Variants in SKI observed in about 807,000 individuals in gnomAD.
SKI encodes the protein SKI proto-oncogene.
In SKI, 23 loss-of-function variants were observed where a neutral mutation model predicts 59.3. That is an observed-to-expected ratio of 0.39 (90% CI 0.28 to 0.55). The LOEUF is 0.55. Ranked by LOEUF, SKI falls within the 20% of genes least tolerant of loss-of-function variation. The probability of loss-of-function intolerance (pLI) is 0.67; values close to 1 mark genes in which losing one functional copy is unlikely to be tolerated. For synonymous variants in SKI, 673 were observed against 488.6 expected (o/e 1.38, Z -4.98); for missense variants, 1,017 against 1,038.9 (o/e 0.98, Z 0.29).
intron 1 of SKI, among the ~76,000 whole-genome samples, chr1:2,296,544 GA>G (rs758231050): frequency 1.4e-4 from 22 of 152,206 alleles, no homozygotes; most frequent in Non-Finnish European, 2.6e-4. Flanking sequence ...ATGGCTACTC[GA>G]ATTCTCTCCC....
intron 1 of SKI, among the ~76,000 whole-genome samples, chr1:2,271,018 G>C (rs1639604439): frequency 6.6e-6 from 1 of 152,238 alleles, no homozygotes; most frequent in Admixed American, 6.5e-5. Context: ...GGCCCAGTGA[G>C]GAGTGGGCTG....
At chr1:2,283,509 C>G (rs1216479538) in intron 1 of SKI, among the ~76,000 whole-genome samples, 2 of 152,230 alleles carry the variant, frequency 1.3e-5, no homozygotes, top group African/African-American at 2.4e-5. Context: ...GGGCCAGGAC[C>G]AAAGCCATCG....
chr1:2,233,895 G>T (rs1638697002), intron 1 of SKI, among the ~76,000 whole-genome samples: 1 of 152,230 alleles, frequency 6.6e-6, no homozygotes, highest in Non-Finnish European at 1.5e-5. Flanking sequence ...GGCCGTGTGT[G>T]GGTTTGGGGC....
rs1379641124 is a variant in SKI, at chr1:2,270,109, G to A, written c.970-32869G>A. Among the ~76,000 whole-genome samples the A allele has an allele frequency of 6.6e-6, 1 of 152,170 alleles. No individual in the cohort carries two copies. The highest frequency in any genetic ancestry group is 2.4e-5 in the African/African-American group (1 of 41,446). ...CCCACGGATTGGAGTTTTGCCCAGGGGTGCTGTGCCCTGGTCATTGTCCCC... is the reference window on the plus strand; with the variant it reads ...CCCACGGATTGGAGTTTTGCCCAGGAGTGCTGTGCCCTGGTCATTGTCCCC... On this transcript the variant is annotated intron_variant, in intron 1 of 6. Coordinates refer to ENST00000378536, the MANE Select transcript of SKI (RefSeq NM_003036.4). This position sits in a 1 kb window ranked among gnomAD's most constrained non-coding sequence, Gnocchi z 4.1.
chr1:2,266,784 C>T (rs922510892), intron 1 of SKI, among the ~76,000 whole-genome samples: 3 of 152,164 alleles, frequency 2.0e-5, no homozygotes, highest in Non-Finnish European at 2.9e-5. Context: ...ATGGTGCTGT[C>T]GTCACAGCGG....
intron 1 of SKI, chr1:2,240,643 C>G (rs1027379138): frequency 4.7e-5 from 46 of 985,350 alleles, no homozygotes; most frequent in African/African-American, 5.2e-5. Flanking sequence ...ACAGCATTAA[C>G]AAGAAAACTT....
intron 1 of SKI, among the ~76,000 whole-genome samples, chr1:2,256,846 T>C (rs1462496078): frequency 6.6e-6 from 1 of 152,196 alleles, no homozygotes; most frequent in African/African-American, 2.4e-5. Flanking sequence ...CGAGGCGGCT[T>C]GTGTTTGGCC....
intron 1 of SKI, among the ~76,000 whole-genome samples, chr1:2,289,058 C>T (rs555050024): frequency 1.5e-4 from 23 of 152,256 alleles, no homozygotes; most frequent in Admixed American, 1.3e-3. Context: ...TGCACCCACC[C>T]GGGAAGTGGA....
At chr1:2,302,936 C>T (rs770627469) in intron 1 of SKI, 42 bp from the exon 2 acceptor site, 3 of 1,613,010 alleles carry the variant, frequency 1.9e-6, no homozygotes, top group East Asian at 2.2e-5. Flanking sequence ...GGACCCTGCC[C>T]TGGGAACCAC....
intron 1 of SKI, among the ~76,000 whole-genome samples, chr1:2,239,605 G>A (rs1029571779): frequency 2.0e-5 from 3 of 152,284 alleles, no homozygotes; most frequent in Non-Finnish European, 4.4e-5. Context: ...GGACCCGCAA[G>A]GTGTGCAGTG....
intron 1 of SKI, among the ~76,000 whole-genome samples, chr1:2,252,810 T>C (rs1480645874): frequency 2.6e-5 from 4 of 151,944 alleles, no homozygotes; most frequent in Non-Finnish European, 4.4e-5. Flanking sequence ...AAGAAGGAAG[T>C]GAGGCCAGGC....
chr1:2,228,613 G>C lies in SKI; in HGVS notation c.-154G>C, dbSNP rs1432506593. 5.1e-6 allele frequency: 1 copy of C among 194,430 alleles called. No homozygotes were observed. The highest frequency in any genetic ancestry group is 9.0e-6 in the Non-Finnish European group (1 of 111,644). The allele number at this position is 194,430 out of a possible 1,614,324, so 12.0% of individuals were successfully genotyped here. A position where few individuals can be genotyped will look rare whatever the true frequency, so the allele number is the denominator to read the frequency against. On this transcript the variant is annotated 5_prime_UTR_variant, in exon 1 of 7. Coordinates refer to ENST00000378536, the MANE Select transcript of SKI (RefSeq NM_003036.4). ...CGCCCGCCTTCCCCTTCGCGCCCCC[G>C]GGCGAGGCCGCGGCCGTGATCGGCC...
At chr1:2,246,119 CTG>C (rs1638989592) in intron 1 of SKI, among the ~76,000 whole-genome samples, 4 of 152,182 alleles carry the variant, frequency 2.6e-5, no homozygotes, top group African/African-American at 7.2e-5. Flanking sequence ...AAAGAACCGA[CTG>C]TTTTTCATAG....
rs532648443 is a variant in SKI at position 2,303,684 on chromosome 1, G to T, written c.1212-156G>T. Reference sequence around the variant, plus strand: ...GCAAGAGACCCAGCAAGCAGAAAACGCTTACGGGTTCTTAGGGAACTGTAA... The same window carrying T: ...GCAAGAGACCCAGCAAGCAGAAAACTCTTACGGGTTCTTAGGGAACTGTAA... On this transcript the variant is annotated intron_variant, in intron 3 of 6. Coordinates refer to ENST00000378536, the MANE Select transcript of SKI (RefSeq NM_003036.4). This position sits in a 1 kb window ranked among gnomAD's most constrained non-coding sequence, Gnocchi z 5.6. The T allele has an allele frequency of 1.4e-5, 15 of 1,066,632 alleles. No homozygotes were observed. Among genetic ancestry groups the T allele is most frequent in the Non-Finnish European group, 2.7e-6 (2 of 733,534 alleles). 66.1% of individuals were successfully genotyped at this position (1,066,632 alleles called of 1,614,324 possible).
intron 1 of SKI, among the ~76,000 whole-genome samples, chr1:2,248,401 C>A (rs1639044381): frequency 6.6e-6 from 1 of 152,226 alleles, no homozygotes; most frequent in Non-Finnish European, 1.5e-5. Flanking sequence ...CCGGCTTTGT[C>A]CTAACTGTTG....
rs12145790 is a variant in SKI, at chr1:2,231,025, G to C, written c.969+1290G>C. Among the ~76,000 whole-genome samples, 340 of 152,290 alleles carry C rather than the reference G, an allele frequency of 2.2e-3. 1 individual carries two copies. Among genetic ancestry groups the C allele is most frequent in the Admixed American group, 4.1e-3 (62 of 15,296 alleles). ...TCTGACCCTGCCAGGCCAGGGCTCA[G>C]GTGGCAGCCGCCTGCAGACCTGTGG... is the stretch of plus-strand genomic sequence containing the variant. On this transcript the variant is annotated intron_variant, in intron 1 of 6. Coordinates refer to ENST00000378536, the MANE Select transcript of SKI (RefSeq NM_003036.4).
intron 1 of SKI, among the ~76,000 whole-genome samples, chr1:2,242,239 G>A (rs1468791029): frequency 6.6e-6 from 1 of 152,218 alleles, no homozygotes; most frequent in East Asian, 1.9e-4. Flanking sequence ...CTAGTCAGGA[G>A]AGTAATCAGA....
chr1:2,254,222 C>T (rs575661481), intron 1 of SKI, among the ~76,000 whole-genome samples: 28 of 152,312 alleles, frequency 1.8e-4, no homozygotes, highest in Non-Finnish European at 3.7e-4. Context: ...GGAAGGTCCA[C>T]GCTAGAGGAG....
chr1:2,300,862 C>G (rs1640407228), intron 1 of SKI, among the ~76,000 whole-genome samples: 2 of 152,298 alleles, frequency 1.3e-5, no homozygotes, highest in African/African-American at 2.4e-5. Context: ...CTCGGCCACC[C>G]CCCACTGAGC....
Sources: gnomAD v4.1 joint callset for allele counts (sites outside exome capture counted in the v4.1 genomes callset) on GRCh38, gnomAD v4.1.1 for gene constraint, Gnocchi (gnomAD v3.1) non-coding constraint, MANE v1.5 for transcripts, NCBI Gene and HGNC (gene_info 2026-07-23, HGNC 2026-07-21) for gene names.